KIF20B: variants seen among roughly 807,000 people sequenced by gnomAD.
The protein encoded by KIF20B is kinesin family member 20B, also known as kinesin-like protein KIF20B.
A neutral mutation model predicts 232.5 loss-of-function variants in KIF20B; 188 were observed. That is an observed-to-expected ratio of 0.81 (90% CI 0.72 to 0.91). The LOEUF is 0.91. Ranked by LOEUF, KIF20B falls within the 40% of genes least tolerant of loss-of-function variation. KIF20B has a pLI of 0.00. For synonymous variants in KIF20B, 712 were observed against 683.0 expected, an observed-to-expected ratio of 1.04 and a Z score of -0.66; for missense variants, 2,154 against 2,055.9, an observed-to-expected ratio of 1.05 and a Z score of -0.92.
chr10:89,766,081 A>C (rs1402018534), intron 29 of KIF20B, among the ~76,000 whole-genome samples: 1 of 152,140 alleles, frequency 6.6e-6, no homozygotes, highest in Non-Finnish European at 1.5e-5. Flanking sequence ...CTCCTGGATA[A>C]TATCCTGCAG....
rs190728665 is a variant in KIF20B, at chr10:89,734,222, C to A, written c.2545+1166C>A. Among the ~76,000 whole-genome samples, 413 of 152,126 alleles carry A rather than the reference C, an allele frequency of 2.7e-3. 4 individuals are homozygous for A. Among genetic ancestry groups the A allele is most frequent in the African/African-American group, 9.5e-3 (394 of 41,500 alleles). ...GTCAGGAGTTTGAGACCAGCCTGAC[C>A]AACGTGATGAAACCCCATCTCTACT... On this transcript the variant is annotated intron_variant, in intron 19 of 32. Coordinates refer to ENST00000371728, the MANE Select transcript of KIF20B (RefSeq NM_001284259.2).
intron 28 of KIF20B, among the ~76,000 whole-genome samples, chr10:89,761,111 T>C (rs1204733313): frequency 6.6e-6 from 1 of 152,180 alleles, no homozygotes; most frequent in Non-Finnish European, 1.5e-5. Flanking sequence ...TAGATAAAAA[T>C]TCTATGTTAC....
intron 2 of KIF20B, among the ~76,000 whole-genome samples, chr10:89,708,071 T>C (rs1426467069): frequency 6.6e-6 from 1 of 152,224 alleles, no homozygotes; most frequent in Non-Finnish European, 1.5e-5. Flanking sequence ...AAATTTTGCG[T>C]ATATCTTAAT....
At chr10:89,708,361 A>C (rs1842769624) in intron 2 of KIF20B, among the ~76,000 whole-genome samples, 1 of 151,944 alleles carries the variant, frequency 6.6e-6, no homozygotes, top group African/African-American at 2.4e-5. Context: ...ACAGGCATGC[A>C]CCACCATGCC....
intron 5 of KIF20B, 89 bp downstream of exon 5, chr10:89,710,154 C>A: frequency 1.8e-6 from 2 of 1,126,452 alleles, no homozygotes; most frequent in Non-Finnish European, 1.2e-6. Flanking sequence ...AGTTATGTTG[C>A]TATTACCTAG....
At position 89,715,005 on chromosome 10, in the gene KIF20B, G is replaced by A; in HGVS notation, c.763G>A (p.Asp255Asn). 6.3e-7 allele frequency: 1 copy of A among 1,599,368 alleles called. No homozygotes were observed. The highest frequency in any genetic ancestry group is 2.2e-5 in the East Asian group (1 of 44,572). The change falls in exon 8 of 33, where the codon GAT becomes AAT. Residue 255 changes from aspartate (D) to asparagine (N), a missense_variant. Transcript: ENST00000371728. ...CTCAGAGTTTGAAGAATCCATAAAA[G>A]ATTATGAACAAGCCAACTTGAATAT... ...NISEFEESIK[D>N]YEQANLNMAN...
At chr10:89,765,001 G>C (rs955640574) in intron 29 of KIF20B, among the ~76,000 whole-genome samples, 9 of 151,446 alleles carry the variant, frequency 5.9e-5, no homozygotes, top group African/African-American at 2.2e-4. Flanking sequence ...TAATGCCCAG[G>C]TTTTCTTCTA....
intron 30 of KIF20B, 29 bp downstream of exon 30, chr10:89,768,420 A>G (rs1012355655): frequency 1.5e-6 from 2 of 1,291,602 alleles, no homozygotes; most frequent in East Asian, 4.7e-5. Context: ...CCAAAATTGT[A>G]GCAATTATCC....
intron 6 of KIF20B, among the ~76,000 whole-genome samples, chr10:89,713,505 G>A (rs1842875546): frequency 6.6e-6 from 1 of 152,090 alleles, no homozygotes; most frequent in African/African-American, 2.4e-5. Flanking sequence ...TGGCAATAGT[G>A]TGTTAAGAGT....
At chr10:89,741,389 T>C (rs1016387475) in intron 21 of KIF20B, among the ~76,000 whole-genome samples, 2 of 152,186 alleles carry the variant, frequency 1.3e-5, no homozygotes, top group African/African-American at 4.8e-5. Flanking sequence ...TATGGATCAG[T>C]ATTTGTCTGT....
chr10:89,733,687 G>A (rs1047899376), intron 19 of KIF20B, among the ~76,000 whole-genome samples: 5 of 152,118 alleles, frequency 3.3e-5, no homozygotes, highest in Admixed American at 1.3e-4. Context: ...CATAAGAAAC[G>A]CTTCAAAAAG....
chr10:89,759,061 A>G (rs1842187072), intron 27 of KIF20B, among the ~76,000 whole-genome samples, 179 bp downstream of exon 27: 3 of 152,048 alleles, frequency 2.0e-5, no homozygotes, highest in Non-Finnish European at 4.4e-5. Flanking sequence ...TGATTTGTCA[A>G]TCAATGACTG....
rs1383212660 is a variant in KIF20B, at chr10:89,774,606, G to T, written c.*558G>T. On this transcript the variant is annotated 3_prime_UTR_variant, in exon 33 of 33. Transcript: ENST00000371728. Reference sequence around the variant, plus strand: ...GGGGTATGTGAGATGTTTTGACACAGGCATGCAATGTGAAATACGTGTATC... The same window carrying T: ...GGGGTATGTGAGATGTTTTGACACATGCATGCAATGTGAAATACGTGTATC... 6.6e-6 allele frequency: 1 copy of T among 151,894 alleles called. No homozygotes were observed. 9.4% of individuals were successfully genotyped at this position (151,894 alleles called of 1,614,324 possible).
intron 12 of KIF20B, 80 bp downstream of exon 12, chr10:89,718,952 T>C: frequency 1.2e-6 from 1 of 864,376 alleles, no homozygotes; most frequent in Non-Finnish European, 1.7e-6. Flanking sequence ...TACTTAATAC[T>C]GTAAGCCTAG....
intron 26 of KIF20B, 142 bp downstream of exon 26, chr10:89,754,815 A>T (rs1842089207): frequency 1.9e-6 from 1 of 537,642 alleles, no homozygotes; most frequent in Non-Finnish European, 3.1e-6. Context: ...ATAACTTCTG[A>T]GCCAATTTAT....
intron 2 of KIF20B, among the ~76,000 whole-genome samples, chr10:89,708,745 A>G (rs1203171354): frequency 6.6e-6 from 1 of 152,182 alleles, no homozygotes; most frequent in Non-Finnish European, 1.5e-5. Context: ...TTCTATGCAC[A>G]TTTCTTCCTC....
rs1363885630 is a variant in KIF20B at position 89,762,625 on chromosome 10, C to T, written c.4792-13C>T. On this transcript the variant is annotated splice_polypyrimidine_tract_variant and intron_variant, in intron 28 of 32. Coordinates refer to ENST00000371728, the MANE Select transcript of KIF20B (RefSeq NM_001284259.2). ...TCTACAAATAATATTTTTCCTTTTA[C>T]ATTCTGTTGTAGGATGGATCTGTAG... The T allele has an allele frequency of 1.9e-6, 3 of 1,589,280 alleles. No individual in the cohort carries two copies. Among genetic ancestry groups the T allele is most frequent in the East Asian group, 2.2e-5 (1 of 44,670 alleles).
rs567157464 is a variant in KIF20B, at chr10:89,711,387, A to G, written c.675+242A>G. ...TTCTGAAATCTTTTTTGATTGTTGTAGAGCCAGCATTGTGCTTTTTATGTA... is the reference window on the plus strand; with the variant it reads ...TTCTGAAATCTTTTTTGATTGTTGTGGAGCCAGCATTGTGCTTTTTATGTA... On this transcript the variant is annotated intron_variant, in intron 6 of 32. Transcript: ENST00000371728. 3.3e-5 allele frequency among the ~76,000 whole-genome samples: 5 copies of G among 152,314 alleles called. No homozygotes were observed. The South Asian group carries it at 1.0e-3, about 32-fold the overall frequency.
intron 19 of KIF20B, among the ~76,000 whole-genome samples, chr10:89,734,799 T>C (rs1480976728): frequency 6.6e-6 from 1 of 152,190 alleles, no homozygotes; most frequent in Admixed American, 6.5e-5. Flanking sequence ...GACGTTTGGC[T>C]CTTAAGGAAC....
Sources: gnomAD v4.1 joint callset for allele counts (sites outside exome capture counted in the v4.1 genomes callset) on GRCh38, gnomAD v4.1.1 for gene constraint, MANE v1.5 for transcripts, NCBI Gene and HGNC (gene_info 2026-07-23, HGNC 2026-07-21) for gene names.